Variants in UNC13C observed in about 807,000 individuals in gnomAD.
The protein encoded by UNC13C is unc-13 homolog C.
UNC13C carries 174 observed loss-of-function variants against 245.4 expected under a neutral mutation model. That is an observed-to-expected ratio of 0.71 (90% confidence interval 0.63 to 0.80). UNC13C has a LOEUF of 0.80. Among genes scored for constraint, UNC13C ranks in the 30% least tolerant of loss-of-function variants. UNC13C has a pLI of 0.00. For synonymous variants in UNC13C, 992 were observed against 895.1 expected (o/e 1.11, Z -1.93); for missense variants, 2,829 against 2,602.9 (o/e 1.09, Z -1.89).
chr15:53,881,737 C>T, the UNC13C span, among the ~76,000 whole-genome samples: 1 of 152,190 alleles, frequency 6.6e-6, no homozygotes, highest in African/African-American at 2.4e-5. Flanking sequence ...TACCTTCATT[C>T]ATTCGTTAGA....
At chr15:54,499,879 G>A (rs776031270) in intron 20 of UNC13C, among the ~76,000 whole-genome samples, 200 bp from the exon 21 acceptor site, 3 of 152,098 alleles carry the variant, frequency 2.0e-5, no homozygotes, top group African/African-American at 4.8e-5. Flanking sequence ...AACCAAGACG[G>A]GGGTAGAGGT....
chr15:54,387,115 T>C (rs2140908170), intron 17 of UNC13C, among the ~76,000 whole-genome samples: 1 of 152,196 alleles, frequency 6.6e-6, no homozygotes, highest in South Asian at 2.1e-4. Flanking sequence ...CTTGGCATCA[T>C]GCAGGAAAGA....
chr15:54,606,424 A>G (rs1292583948), intron 30 of UNC13C, among the ~76,000 whole-genome samples: 1 of 152,214 alleles, frequency 6.6e-6, no homozygotes, highest in African/African-American at 2.4e-5. Flanking sequence ...TGATGATCCT[A>G]TAAATCATTT....
intron 28 of UNC13C, among the ~76,000 whole-genome samples, chr15:54,554,435 C>G (rs1897011933): frequency 6.6e-6 from 1 of 152,032 alleles, no homozygotes; most frequent in Non-Finnish European, 1.5e-5. Flanking sequence ...TGAAGCTGTC[C>G]TCTTATAAAA....
chr15:53,843,308 A>G, the UNC13C span, among the ~76,000 whole-genome samples: 3 of 152,126 alleles, frequency 2.0e-5, no homozygotes, highest in Non-Finnish European at 4.4e-5. Context: ...TTATCCAGGC[A>G]TGGTGGCTCA....
chr15:54,510,915 T>G (rs1894708876), intron 23 of UNC13C, among the ~76,000 whole-genome samples: 1 of 152,170 alleles, frequency 6.6e-6, no homozygotes, highest in Non-Finnish European at 1.5e-5. Context: ...GAATTAATGT[T>G]TACTATTCTA....
intron 4 of UNC13C, 132 bp downstream of exon 4, chr15:54,143,816 G>C: frequency 1.7e-6 from 1 of 590,052 alleles, no homozygotes; most frequent in East Asian, 2.9e-5. Context: ...TTACAATAAA[G>C]TTGACATTAT....
intron 19 of UNC13C, among the ~76,000 whole-genome samples, chr15:54,426,271 G>A (rs546494439): frequency 6.7e-6 from 1 of 149,924 alleles, no homozygotes; most frequent in South Asian, 2.1e-4. Flanking sequence ...TGTCATACAG[G>A]ACTTGGCCTC....
chr15:53,872,348 AT>A, the UNC13C span, among the ~76,000 whole-genome samples: 133,729 of 151,330 alleles, frequency 0.88, 60,355 homozygotes, highest in Non-Finnish European at 0.97. Context: ...CCATTCATAG[AT>A]TTTTTTTTTT....
the UNC13C span, among the ~76,000 whole-genome samples, chr15:53,881,777 G>A: frequency 1.1e-4 from 17 of 152,154 alleles, no homozygotes. Flanking sequence ...TTTTTCAATG[G>A]CGTTCCAAGA....
chr15:54,158,402 C>T (rs1163308768), intron 4 of UNC13C, among the ~76,000 whole-genome samples: 1 of 152,048 alleles, frequency 6.6e-6, no homozygotes, highest in Non-Finnish European at 1.5e-5. Context: ...AATCTCTGCT[C>T]ATTGCAAGCT....
chr15:54,383,613 T>A (rs2039774635), intron 17 of UNC13C, among the ~76,000 whole-genome samples: 1 of 151,990 alleles, frequency 6.6e-6, no homozygotes, highest in Non-Finnish European at 1.5e-5. Context: ...AAACAAATGG[T>A]GAAAAATGCC....
intron 4 of UNC13C, among the ~76,000 whole-genome samples, chr15:54,216,569 A>G (rs2035045450): frequency 2.0e-5 from 3 of 151,920 alleles, no homozygotes; most frequent in Non-Finnish European, 4.4e-5. Flanking sequence ...CCCTACTTCA[A>G]TGGAGTCACT....
intron 4 of UNC13C, among the ~76,000 whole-genome samples, chr15:54,189,816 T>C (rs903408354): frequency 6.6e-6 from 1 of 152,092 alleles, no homozygotes; most frequent in Admixed American, 6.6e-5. Flanking sequence ...AGCTGCTTGA[T>C]TGCGGCGGCA....
In UNC13C at chr15:54,014,474, C is replaced by T. The variant is rs377725533; in HGVS notation, c.1571C>T (p.Thr524Ile). Residue 524 changes from threonine to isoleucine, a missense_variant, in exon 2 of 33, where the codon ACC (threonine) becomes ATC (isoleucine). Physicochemically the swap from Thr to Ile is moderately conservative, Grantham distance 89 (BLOSUM62 -1). Coordinates refer to ENST00000260323, the MANE Select transcript of UNC13C (RefSeq NM_001080534.3). ...GAATCAGATATCTTGGAAAAGCAAACCACAACCCATTATGCAGATGCAACA... is the reference window on the plus strand; with the variant it reads ...GAATCAGATATCTTGGAAAAGCAAATCACAACCCATTATGCAGATGCAACA... Reference protein sequence around the residue: ...LPESDILEKQTTTHYADATPL... With the variant: ...LPESDILEKQITTHYADATPL... The T allele has an allele frequency of 6.2e-7, 1 of 1,613,744 alleles. No individual in the cohort carries two copies. The highest frequency in any genetic ancestry group is 8.5e-7 in the Non-Finnish European group (1 of 1,179,772).
chr15:54,256,744 GA>G (rs1235724127), intron 8 of UNC13C, among the ~76,000 whole-genome samples: 1 of 152,180 alleles, frequency 6.6e-6, no homozygotes, highest in African/African-American at 2.4e-5. Flanking sequence ...AGGTATTCCT[GA>G]AGGCTTTGGA....
intron 13 of UNC13C, among the ~76,000 whole-genome samples, chr15:54,305,343 T>C (rs144293386): frequency 1.3e-5 from 2 of 152,220 alleles, no homozygotes; most frequent in Admixed American, 1.3e-4. Flanking sequence ...TGATTGATCG[T>C]TTTTAAAAAT....
chr15:54,338,814 C>T (rs1186170051), intron 17 of UNC13C, among the ~76,000 whole-genome samples: 1 of 152,164 alleles, frequency 6.6e-6, no homozygotes, highest in African/African-American at 2.4e-5. Flanking sequence ...AGGATTCCAA[C>T]TCCTGTTTCT....
At chr15:54,385,272 T>C (rs2039812898) in intron 17 of UNC13C, among the ~76,000 whole-genome samples, 1 of 152,096 alleles carries the variant, frequency 6.6e-6, no homozygotes, top group Admixed American at 6.6e-5. Context: ...TTCGGTACTA[T>C]GGAAAGATAT....
Sources: gnomAD v4.1 joint callset for allele counts (sites outside exome capture counted in the v4.1 genomes callset) on GRCh38, gnomAD v4.1.1 for gene constraint, MANE v1.5 for transcripts, NCBI Gene and HGNC (gene_info 2026-07-23, HGNC 2026-07-21) for gene names.